TBC1D5: variants seen among roughly 807,000 people sequenced by gnomAD.
TBC1D5 encodes the protein TBC1 domain family, member 5.
A neutral mutation model predicts 100.3 loss-of-function variants in TBC1D5; 75 were observed. The observed-to-expected ratio is 0.75, with a 90% CI of 0.62 to 0.91. The LOEUF (loss-of-function observed/expected upper bound fraction) is 0.91. TBC1D5 is among the 40% of genes least tolerant of loss of function. TBC1D5 has a pLI of 0.00. For synonymous variants in TBC1D5, 323 were observed against 325.6 expected (o/e 0.99, Z 0.09); for missense variants, 910 against 942.4 (o/e 0.97, Z 0.45).
At chr3:17,338,126 CT>C (rs2088229895) in intron 13 of TBC1D5, among the ~76,000 whole-genome samples, 1 of 152,104 alleles carries the variant, frequency 6.6e-6, no homozygotes, top group African/African-American at 2.4e-5. Context: ...TCAGGGGTCA[CT>C]GAAGCAATAA....
At chr3:17,342,397 G>GGAGTGTGTATTT (rs2089128353) in intron 13 of TBC1D5, among the ~76,000 whole-genome samples, 2 of 152,106 alleles carry the variant, frequency 1.3e-5, no homozygotes. Flanking sequence ...TGCTACACAT[G>GGAGTGTGTATTT]CCTCTTATTT....
intron 1 of TBC1D5, chr3:17,663,257 T>C (rs1180243144): frequency 9.5e-6 from 1 of 105,198 alleles, no homozygotes; most frequent in African/African-American, 3.3e-5. Context: ...ATATATTTGA[T>C]TACATAAAAA....
chr3:17,583,671 G>A (rs542411526), intron 2 of TBC1D5, among the ~76,000 whole-genome samples: 1 of 152,330 alleles, frequency 6.6e-6, no homozygotes, highest in Non-Finnish European at 1.5e-5. Flanking sequence ...AGGCTGCAGT[G>A]AGCCAAGATT....
intron 17 of TBC1D5, among the ~76,000 whole-genome samples, 189 bp from the exon 19 acceptor site, chr3:17,214,559 C>T (rs541645946): frequency 6.6e-6 from 1 of 151,254 alleles, no homozygotes; most frequent in South Asian, 2.1e-4. Context: ...TTCAAAAAAA[C>T]AGTGAAGGTA....
At chr3:17,583,524 A>C (rs1442038199) in intron 2 of TBC1D5, among the ~76,000 whole-genome samples, 2 of 152,156 alleles carry the variant, frequency 1.3e-5, no homozygotes, top group Non-Finnish European at 2.9e-5. Flanking sequence ...TCAGGAGTTC[A>C]AAACCAGCCT....
upstream of TBC1D5, among the ~76,000 whole-genome samples, chr3:17,741,973 G>GAA (rs1312788398): frequency 2.0e-5 from 3 of 152,046 alleles, no homozygotes; most frequent in Non-Finnish European, 4.4e-5. Context: ...TTCAGGGCCC[G>GAA]TTTCGCTTCC....
intron 1 of TBC1D5, among the ~76,000 whole-genome samples, chr3:17,711,032 T>C (rs1477469302): frequency 6.6e-6 from 1 of 152,204 alleles, no homozygotes; most frequent in Non-Finnish European, 1.5e-5. Context: ...AAAACAGTTA[T>C]TAAAATCTTT....
At chr3:17,577,664 A>G (rs2096665876) in intron 2 of TBC1D5, among the ~76,000 whole-genome samples, 1 of 151,960 alleles carries the variant, frequency 6.6e-6, no homozygotes, top group African/African-American at 2.4e-5. Context: ...TATATTCACT[A>G]CCCTTTGAGA....
At chr3:17,593,752 T>TCC (rs2060386665) in intron 2 of TBC1D5, among the ~76,000 whole-genome samples, 1 of 152,158 alleles carries the variant, frequency 6.6e-6, no homozygotes, top group South Asian at 2.1e-4. Context: ...CTTCCTATGT[T>TCC]CCCCATCATC....
At chr3:17,477,871 T>A (rs949626767) in intron 3 of TBC1D5, among the ~76,000 whole-genome samples, 1 of 152,072 alleles carries the variant, frequency 6.6e-6, no homozygotes, top group Admixed American at 6.5e-5. Context: ...TAGAAATGTA[T>A]CCACTACACC....
At chr3:17,332,135 C>A (rs531129057) in intron 13 of TBC1D5, among the ~76,000 whole-genome samples, 5 of 152,000 alleles carry the variant, frequency 3.3e-5, no homozygotes, top group Admixed American at 6.6e-5. Context: ...TGTAATAGTT[C>A]CGATAAGAGA....
intron 1 of TBC1D5, among the ~76,000 whole-genome samples, chr3:17,655,487 A>C (rs1456297102): frequency 7.3e-6 from 1 of 137,732 alleles, no homozygotes; most frequent in Admixed American, 7.0e-5. Context: ...TTAAATTAAA[A>C]AATGAAACCC....
At chr3:17,682,519 T>G (rs552214802) in intron 1 of TBC1D5, among the ~76,000 whole-genome samples, 21 of 151,504 alleles carry the variant, frequency 1.4e-4, no homozygotes, top group Non-Finnish European at 2.6e-4. Context: ...AGTTTAATCA[T>G]AAAGAAAACA....
chr3:17,586,384 C>G (rs1049244556), intron 2 of TBC1D5: 7 of 151,912 alleles, frequency 4.6e-5, no homozygotes, highest in Non-Finnish European at 8.8e-5. Context: ...TCCACAAATC[C>G]GGTTGACATG....
intron 1 of TBC1D5, among the ~76,000 whole-genome samples, chr3:17,716,436 G>C (rs13071934): frequency 0.57 from 86,286 of 151,148 alleles, 25,422 homozygotes; most frequent in East Asian, 0.99. Flanking sequence ...GGCCAAGACA[G>C]CTGTTCAGAG....
At chr3:17,613,445 C>T (rs1163297896) in intron 2 of TBC1D5, among the ~76,000 whole-genome samples, 1 of 152,190 alleles carries the variant, frequency 6.6e-6, no homozygotes, top group African/African-American at 2.4e-5. Flanking sequence ...GTTTTAGATC[C>T]TTCAGGAATC....
chr3:17,201,851 CT>C (rs1208579659), intron 18 of TBC1D5, among the ~76,000 whole-genome samples: 1 of 152,154 alleles, frequency 6.6e-6, no homozygotes, highest in East Asian at 1.9e-4. Context: ...TAAATCTTTT[CT>C]TTATACTTTA....
intron 2 of TBC1D5, among the ~76,000 whole-genome samples, chr3:17,572,555 GATAATAGT>G (rs912275838): frequency 6.6e-6 from 1 of 151,970 alleles, no homozygotes; most frequent in Non-Finnish European, 1.5e-5. Flanking sequence ...CAGCTCTTCA[GATAATAGT>G]AACATAGTAC....
At chr3:17,177,339 A>G (rs1029515236) in intron 19 of TBC1D5, among the ~76,000 whole-genome samples, 2 of 152,186 alleles carry the variant, frequency 1.3e-5, no homozygotes, top group African/African-American at 4.8e-5. Context: ...GAAGATGCTG[A>G]CCAATTGTTG....
Sources: gnomAD v4.1 joint callset for allele counts (sites outside exome capture counted in the v4.1 genomes callset) on GRCh38, gnomAD v4.1.1 for gene constraint, MANE v1.5 for transcripts, NCBI Gene and HGNC (gene_info 2026-07-23, HGNC 2026-07-21) for gene names.